Variants in TARS3 observed in about 807,000 individuals in gnomAD.
TARS3 encodes threonine--tRNA ligase 2, cytoplasmic.
TARS3 carries 94 observed loss-of-function variants against 103.5 expected under a neutral mutation model. The ratio of observed to expected loss-of-function variants is 0.91; its 90% CI spans 0.77 to 1.08. The LOEUF (loss-of-function observed/expected upper bound fraction) is 1.08, where lower values mean the gene tolerates loss of function less well. Ranked by LOEUF, TARS3 falls within the 50% of genes least tolerant of loss-of-function variation. The pLI is 0.00. For missense variants in TARS3, 952 were observed against 995.2 expected, an observed-to-expected ratio of 0.96 and a Z score of 0.58; for synonymous variants, 416 against 355.4, an observed-to-expected ratio of 1.17 and a Z score of -1.92.
intron 3 of TARS3, 22 bp from the exon 4 acceptor site, chr15:101,714,985 G>T: frequency 6.3e-7 from 1 of 1,598,082 alleles, no homozygotes; most frequent in Non-Finnish European, 8.5e-7. Context: ...AAAGCCACTT[G>T]GGAGTTAACT....
At chr15:101,702,924 A>C (rs1357817016) in intron 8 of TARS3, among the ~76,000 whole-genome samples, 1 of 152,212 alleles carries the variant, frequency 6.6e-6, no homozygotes. Flanking sequence ...GGATTCTAGG[A>C]ATGACAGTGA....
intron 12 of TARS3, among the ~76,000 whole-genome samples, chr15:101,678,261 A>C (rs562830140): frequency 6.6e-6 from 1 of 152,210 alleles, no homozygotes; most frequent in South Asian, 2.1e-4. Context: ...TACAGGCATG[A>C]GCCACCTCAC....
intron 5 of TARS3, among the ~76,000 whole-genome samples, chr15:101,711,610 A>G (rs1414314676): frequency 2.6e-5 from 4 of 152,224 alleles, no homozygotes; most frequent in East Asian, 1.9e-4. Context: ...GCTTATTTCA[A>G]GAATACAGTA....
rs1304132515 is a variant in TARS3 at position 101,685,986 on chromosome 15, C to A, written c.1397G>T (p.Gly466Val). The part of the protein sequence containing the change: ...MYNSKLWEAS[G>V]HWQHYSENMF... Reference sequence around the variant, plus strand: ...GTTCTCGCTGTAATGCTGCCAGTGGCCTGAGGCTTCCCAGAGTTTACTGTT... The same window carrying A: ...GTTCTCGCTGTAATGCTGCCAGTGGACTGAGGCTTCCCAGAGTTTACTGTT... Residue 466 changes from glycine to valine, a missense_variant, in exon 11 of 19, where the codon GGC becomes GTC. Coordinates refer to ENST00000335968, the MANE Select transcript of TARS3 (RefSeq NM_152334.3). The A allele has an allele frequency of 5.0e-6, 8 of 1,614,062 alleles. No individual in the cohort carries two copies. Among genetic ancestry groups the A allele is most frequent in the Non-Finnish European group, 5.9e-6 (7 of 1,179,928 alleles).
At chr15:101,690,868 T>A (rs963952754) in intron 10 of TARS3, among the ~76,000 whole-genome samples, 1 of 152,230 alleles carries the variant, frequency 6.6e-6, no homozygotes, top group Non-Finnish European at 1.5e-5. Flanking sequence ...TAGTAGCAAT[T>A]TAAACTTTCT....
chr15:101,696,513 G>A (rs992758206), intron 10 of TARS3, among the ~76,000 whole-genome samples: 1 of 152,126 alleles, frequency 6.6e-6, no homozygotes, highest in Non-Finnish European at 1.5e-5. Context: ...ATGATGAAAT[G>A]GCAGTTTTAA....
At chr15:101,669,530 C>A (rs1897715591) in intron 15 of TARS3, among the ~76,000 whole-genome samples, 1 of 152,158 alleles carries the variant, frequency 6.6e-6, no homozygotes, top group Non-Finnish European at 1.5e-5. Context: ...ACTGACTCGC[C>A]TGGAGCAGCT....
chr15:101,667,687 C>T (rs922139276), intron 15 of TARS3, among the ~76,000 whole-genome samples: 4 of 152,120 alleles, frequency 2.6e-5, no homozygotes, highest in Non-Finnish European at 4.4e-5. Flanking sequence ...TCTCCTGCCT[C>T]AGCCTCCCAA....
intron 10 of TARS3, among the ~76,000 whole-genome samples, chr15:101,692,774 C>G (rs990827918): frequency 1.3e-5 from 2 of 152,244 alleles, no homozygotes; most frequent in African/African-American, 4.8e-5. Flanking sequence ...TAGCCAGGCC[C>G]ATATCTCCAT....
intron 15 of TARS3, chr15:101,664,113 G>A (rs1039996423): frequency 2.6e-5 from 4 of 152,084 alleles, no homozygotes; most frequent in African/African-American, 9.7e-5. Flanking sequence ...TACACTTCCA[G>A]TACCCCTACT....
rs1900669977 is a variant in TARS3 at position 101,724,382 on chromosome 15, C to A, written c.6G>T (p.Ala2=). 1.3e-6 allele frequency: 2 copies of A among 1,500,086 alleles called. No individual in the cohort carries two copies. The highest frequency in any genetic ancestry group is 5.4e-5 in the East Asian group (2 of 37,046). The allele number at this position is 1,500,086 out of a possible 1,614,324, so 92.9% of individuals were successfully genotyped here. The part of the protein sequence containing the change: M[A]AEALAAEAVA... ...CGGCCTCCGCCGCCAGGGCCTCGGC[C>A]GCCATCGCGGCCTCCCTCAGGCACC... Residue 2 remains alanine (A), a synonymous_variant, in exon 1 of 19, where the codon GCG becomes GCT. Transcript: ENST00000335968.
intron 4 of TARS3, among the ~76,000 whole-genome samples, chr15:101,713,671 A>G (rs2141449044): frequency 6.6e-6 from 1 of 152,372 alleles, no homozygotes. Context: ...TATGTGGTGG[A>G]GTAATGCACT....
rs192904593 is a variant in TARS3 at position 101,700,545 on chromosome 15, T to C, written c.1320+541A>G. 1.7e-3 allele frequency among the ~76,000 whole-genome samples: 256 copies of C among 152,286 alleles called. 1 individual carries two copies. The highest frequency in any genetic ancestry group is 5.8e-3 in the African/African-American group (241 of 41,560). On this transcript the variant is annotated intron_variant, in intron 10 of 18. Transcript: ENST00000335968. ...ATATTCTACATGGTTTAGAAACTTA[T>C]ATGGACAAAAAGTGAATTTTATGAA... is the stretch of plus-strand genomic sequence containing the variant.
chr15:101,670,010 C>T (rs1897735576), intron 15 of TARS3, among the ~76,000 whole-genome samples: 1 of 152,198 alleles, frequency 6.6e-6, no homozygotes. Context: ...ACCCAAATGT[C>T]ACATCTTACA....
chr15:101,670,604 C>T (rs1283065170), intron 15 of TARS3, among the ~76,000 whole-genome samples: 1 of 152,198 alleles, frequency 6.6e-6, no homozygotes, highest in African/African-American at 2.4e-5. Context: ...CTCTGGAAAA[C>T]AGTTTGGCAG....
intron 10 of TARS3, among the ~76,000 whole-genome samples, chr15:101,697,336 G>T (rs138417372): frequency 6.6e-6 from 1 of 152,268 alleles, no homozygotes; most frequent in East Asian, 1.9e-4. Flanking sequence ...TTATTACGAG[G>T]TGCCAGAAAC....
chr15:101,713,782 C>A (rs116998742), intron 4 of TARS3, among the ~76,000 whole-genome samples: 1 of 152,170 alleles, frequency 6.6e-6, no homozygotes, highest in African/African-American at 2.4e-5. Flanking sequence ...GCAGATATCA[C>A]GTAGACAGTA....
intron 6 of TARS3, among the ~76,000 whole-genome samples, chr15:101,707,661 G>A (rs8035839): frequency 0.41 from 61,973 of 151,668 alleles, 13,923 homozygotes; most frequent in East Asian, 0.81. Flanking sequence ...ATTCAGAGAC[G>A]GAGAGTAGAA....
At chr15:101,712,495 C>T (rs868150810) in intron 4 of TARS3, among the ~76,000 whole-genome samples, 2 of 152,126 alleles carry the variant, frequency 1.3e-5, no homozygotes, top group Admixed American at 6.6e-5. Flanking sequence ...GAGCAGTCTT[C>T]GTGTGTTGAA....
Sources: allele counts gnomAD v4.1 joint callset (sites outside exome capture counted in the v4.1 genomes callset), GRCh38; gene constraint gnomAD v4.1.1; transcripts MANE v1.5; gene names NCBI Gene and HGNC (gene_info 2026-07-23, HGNC 2026-07-21).